PNPLA7: variants seen among roughly 807,000 people sequenced by gnomAD.
The protein encoded by PNPLA7 is patatin like domain 7, lysophospholipase.
A neutral mutation model predicts 161.7 loss-of-function variants in PNPLA7; 153 were observed. That is an observed-to-expected ratio of 0.95 (90% CI 0.83 to 1.08). The LOEUF (loss-of-function observed/expected upper bound fraction) is 1.08, where lower values mean the gene tolerates loss of function less well. PNPLA7 is among the 50% of genes least tolerant of loss of function. PNPLA7 has a pLI of 0.00. For synonymous variants in PNPLA7, 809 were observed against 782.1 expected (o/e 1.03, Z -0.57); for missense variants, 1,739 against 1,856.6 (o/e 0.94, Z 1.16).
chr9:137,469,985 G>A (rs1431286992), intron 25 of PNPLA7, among the ~76,000 whole-genome samples: 2 of 152,104 alleles, frequency 1.3e-5, no homozygotes, highest in African/African-American at 4.8e-5. Flanking sequence ...CATATGAGTA[G>A]TACTGTAACT....
intron 6 of PNPLA7, among the ~76,000 whole-genome samples, 197 bp from the exon 7 acceptor site, chr9:137,542,998 T>G (rs1298358256): frequency 6.6e-6 from 1 of 152,166 alleles, no homozygotes. Flanking sequence ...GAGCCTGTTT[T>G]CCATCACCTC....
intron 18 of PNPLA7, among the ~76,000 whole-genome samples, chr9:137,495,913 C>A (rs757663581): frequency 8.5e-5 from 13 of 152,132 alleles, no homozygotes; most frequent in Non-Finnish European, 1.5e-4. Context: ...GCCTGCTGAG[C>A]CATCGGAGCG....
intron 14 of PNPLA7, among the ~76,000 whole-genome samples, chr9:137,503,578 G>T: frequency 7.5e-6 from 1 of 133,530 alleles, no homozygotes; most frequent in Non-Finnish European, 1.6e-5. Context: ...GAAGGAGAAG[G>T]AGAAGGAGGA....
At chr9:137,466,192 T>C (rs1246967157) in intron 26 of PNPLA7, among the ~76,000 whole-genome samples, 2 of 152,208 alleles carry the variant, frequency 1.3e-5, no homozygotes, top group Admixed American at 1.3e-4. Flanking sequence ...TGCCTGGCCG[T>C]TGGGTCAGAA....
chr9:137,524,314 G>A lies in PNPLA7; in HGVS notation c.748-1457C>T, dbSNP rs192777962. 4.8e-4 allele frequency among the ~76,000 whole-genome samples: 73 copies of A among 152,174 alleles called. 1 individual carries two copies. The East Asian group carries it at 0.013, about 27-fold the overall frequency. On this transcript the variant is annotated intron_variant, in intron 8 of 34. Transcript: ENST00000406427. This position sits in a 1 kb window ranked among gnomAD's most constrained non-coding sequence, Gnocchi z 4.4. ...GTGCTGGCTGTCTCGTGGAGGCCTC[G>A]CAGGGTCTCCGTCCATTCAGCAGTC... is the stretch of plus-strand genomic sequence containing the variant.
chr9:137,522,186 T>C (rs963990853), intron 9 of PNPLA7, among the ~76,000 whole-genome samples: 7 of 152,354 alleles, frequency 4.6e-5, no homozygotes, highest in East Asian at 1.9e-4. Flanking sequence ...GCCGTTCTCC[T>C]GCCTCAGCCT....
At chr9:137,528,471 G>T (rs965235485) in intron 8 of PNPLA7, among the ~76,000 whole-genome samples, 10 of 151,782 alleles carry the variant, frequency 6.6e-5, no homozygotes, top group Non-Finnish European at 1.2e-4. Context: ...TAGTAGAGAT[G>T]GGGTTTCACC....
At chr9:137,539,976 G>A (rs1446389355) in intron 8 of PNPLA7, among the ~76,000 whole-genome samples, 3 of 152,086 alleles carry the variant, frequency 2.0e-5, no homozygotes, top group Non-Finnish European at 2.9e-5. Context: ...AGTAGAGACG[G>A]GGTTTCACCA....
At position 137,540,909 on chromosome 9, in the gene PNPLA7, C is replaced by T; in HGVS notation, c.667-187G>A. 1.8e-6 allele frequency: 1 copy of T among 569,794 alleles called. No individual in the cohort carries two copies. Among genetic ancestry groups the T allele is most frequent in the South Asian group, 2.0e-5 (1 of 50,954 alleles). The allele number at this position is 569,794 out of a possible 1,614,324, so 35.3% of individuals were successfully genotyped here. A position where few individuals can be genotyped will look rare whatever the true frequency, so the allele number is the denominator to read the frequency against. On this transcript the variant is annotated intron_variant, in intron 7 of 34. Coordinates refer to ENST00000406427, the MANE Select transcript of PNPLA7 (RefSeq NM_001098537.3). This position sits in a 1 kb window ranked among gnomAD's most constrained non-coding sequence, Gnocchi z 5.1. The stretch of plus-strand genomic sequence containing the variant: ...ACCTGCTGGCATCAGGGGTACAACA[C>T]ACAGGAAGCGGCAGCAAGGAAAACA...
chr9:137,488,253 T>C (rs11137287), intron 20 of PNPLA7, among the ~76,000 whole-genome samples: 85,234 of 151,880 alleles, frequency 0.56, 24,152 homozygotes, highest in East Asian at 0.66. Context: ...GGCCCGAACG[T>C]GGCTCTCTGA....
Position 137,537,474 on chromosome 9 carries a change from C to A in PNPLA7, c.747+3168G>T, listed in dbSNP as rs1422197954. ...CTGGGATAACAGGCACCCGCCACCACACCCAGCTAATTTTTGTATTTTTAG... is the reference window on the plus strand; with the variant it reads ...CTGGGATAACAGGCACCCGCCACCAAACCCAGCTAATTTTTGTATTTTTAG... On this transcript the variant is annotated intron_variant, in intron 8 of 34. Transcript: ENST00000406427. The surrounding 1 kb of genome is among the most constrained non-coding windows in gnomAD (Gnocchi z 4.5). 6.6e-6 allele frequency among the ~76,000 whole-genome samples: 1 copy of A among 152,158 alleles called. No individual in the cohort carries two copies. Among genetic ancestry groups the A allele is most frequent in the African/African-American group, 2.4e-5 (1 of 41,412 alleles).
At chr9:137,505,911 C>T in intron 13 of PNPLA7, 72 bp downstream of exon 13, 3 of 1,535,774 alleles carry the variant, frequency 2.0e-6, no homozygotes, top group Non-Finnish European at 2.7e-6. Context: ...CCGGCGGCGC[C>T]CCCAATGCAC....
rs1006650520 is a variant in PNPLA7 at position 137,524,143 on chromosome 9, C to T, written c.748-1286G>A. 6.6e-5 allele frequency among the ~76,000 whole-genome samples: 10 copies of T among 152,352 alleles called. No homozygotes were observed. Among genetic ancestry groups the T allele is most frequent in the African/African-American group, 2.4e-4 (10 of 41,596 alleles). On this transcript the variant is annotated intron_variant, in intron 8 of 34. Coordinates refer to ENST00000406427, the MANE Select transcript of PNPLA7 (RefSeq NM_001098537.3). This position sits in a 1 kb window ranked among gnomAD's most constrained non-coding sequence, Gnocchi z 4.4. ...CACCACTGGGTCTTGGCAATGCTCCCCCGTCTTCTGTCCCAGTGGTTGTGC... is the reference window on the plus strand; with the variant it reads ...CACCACTGGGTCTTGGCAATGCTCCTCCGTCTTCTGTCCCAGTGGTTGTGC...
chr9:137,474,541 A>C (rs372847816), intron 25 of PNPLA7, among the ~76,000 whole-genome samples: 10 of 152,210 alleles, frequency 6.6e-5, no homozygotes, highest in African/African-American at 2.4e-4. Flanking sequence ...AGGACACCGG[A>C]GTGCCGTGGG....
intron 20 of PNPLA7, among the ~76,000 whole-genome samples, chr9:137,489,825 A>G (rs916505915): frequency 2.5e-4 from 38 of 152,346 alleles, no homozygotes; most frequent in African/African-American, 9.1e-4. Context: ...GAGAAAAAAA[A>G]GGTTTAAAAA....
chr9:137,494,671 T>TCC (rs1832947076), intron 19 of PNPLA7, among the ~76,000 whole-genome samples: 1 of 137,974 alleles, frequency 7.2e-6, no homozygotes, highest in African/African-American at 2.8e-5. Flanking sequence ...ACCTGTGCCC[T>TCC]GCCCTCACCT....
At chr9:137,514,336 C>T (rs373545717) in intron 12 of PNPLA7, among the ~76,000 whole-genome samples, 4,062 of 75,434 alleles carry the variant, frequency 0.054, 374 homozygotes, top group African/African-American at 0.18. Context: ...GCCCGGGCCC[C>T]GTGGCCGGGC....
At chr9:137,481,074 A>G in intron 21 of PNPLA7, 51 bp from the exon 22 acceptor site, 2 of 1,536,658 alleles carry the variant, frequency 1.3e-6, no homozygotes, top group South Asian at 1.2e-5. Context: ...CCCACCTCCA[A>G]CGCCAACAAG....
intron 16 of PNPLA7, among the ~76,000 whole-genome samples, chr9:137,498,743 C>T (rs543178476): frequency 1.3e-5 from 2 of 152,142 alleles, no homozygotes; most frequent in East Asian, 1.9e-4. Context: ...CCCCGGTGGT[C>T]GTGTGTGGAC....
Sources: gnomAD v4.1 joint callset for allele counts (sites outside exome capture counted in the v4.1 genomes callset) on GRCh38, gnomAD v4.1.1 for gene constraint, Gnocchi (gnomAD v3.1) non-coding constraint, MANE v1.5 for transcripts, NCBI Gene and HGNC (gene_info 2026-07-23, HGNC 2026-07-21) for gene names.